Variants in MITF observed in about 807,000 individuals in gnomAD.
MITF encodes melanocyte inducing transcription factor.
Under a neutral mutation model 60.5 loss-of-function variants are expected in MITF, and 17 were observed. That is an observed-to-expected ratio of 0.28 (90% CI 0.19 to 0.42). The LOEUF is 0.42. MITF is among the 10% of genes least tolerant of loss of function. The pLI, the probability that MITF is intolerant of heterozygous loss-of-function variation, is 1.00. For synonymous variants in MITF, 260 were observed against 248.5 expected (o/e 1.05, Z -0.43); for missense variants, 622 against 683.5 (o/e 0.91, Z 1.00).
chr3:69,885,022 A>G (rs2064577801), intron 2 of MITF, among the ~76,000 whole-genome samples: 1 of 152,076 alleles, frequency 6.6e-6, no homozygotes, highest in Non-Finnish European at 1.5e-5. Flanking sequence ...TTCTCCCTTT[A>G]TGACCACAAG....
At position 69,968,270 on chromosome 3, in the gene MITF, TA is replaced by T. The variant is rs2066739972; in HGVS notation, c.*3024del. 1 of 231,558 alleles carries T rather than the reference TA, an allele frequency of 4.3e-6. No homozygotes were observed. Among genetic ancestry groups the T allele is most frequent in the South Asian group, 1.8e-4 (1 of 5,516 alleles). The allele number at this position is 231,558 out of a possible 1,614,324, so 14.3% of individuals were successfully genotyped here. ...AGCACTGTATATTATGGATCGATAT[TA>T]ATGTATCCAATGAAATAATCGACTT... On this transcript the variant is annotated 3_prime_UTR_variant, in exon 10 of 10. Coordinates refer to ENST00000352241, the MANE Select transcript of MITF (RefSeq NM_001354604.2).
rs1158787139 is a variant in MITF, at chr3:69,965,666, A to G, written c.*418A>G. On this transcript the variant is annotated 3_prime_UTR_variant, in exon 10 of 10. Coordinates refer to ENST00000352241, the MANE Select transcript of MITF (RefSeq NM_001354604.2). ...AGCAACCAAAAAGAAAAAAAAAAAG[A>G]AAGAAAGAGGAAAAGAAATCCATAC... The G allele has an allele frequency of 3.9e-6, 1 of 253,864 alleles. No individual in the cohort carries two copies. The highest frequency in any genetic ancestry group is 5.7e-5 in the East Asian group (1 of 17,688). 15.7% of individuals were successfully genotyped at this position (253,864 alleles called of 1,614,324 possible).
At chr3:69,828,995 G>A (rs2063402381) in intron 1 of MITF, among the ~76,000 whole-genome samples, 1 of 151,944 alleles carries the variant, frequency 6.6e-6, no homozygotes, top group Admixed American at 6.6e-5. Flanking sequence ...GCCACTCAAA[G>A]TGTGACCCAT....
chr3:69,942,216 G>A (rs890851275), intron 5 of MITF, among the ~76,000 whole-genome samples: 2 of 152,038 alleles, frequency 1.3e-5, no homozygotes, highest in Non-Finnish European at 2.9e-5. Context: ...ATGGAGCTTC[G>A]GATTTGCAAG....
At chr3:69,794,899 A>G (rs1012380862) in intron 1 of MITF, among the ~76,000 whole-genome samples, 5 of 152,234 alleles carry the variant, frequency 3.3e-5, no homozygotes, top group Non-Finnish European at 5.9e-5. Flanking sequence ...GTCTAACAGT[A>G]TAGCTGAAGT....
intron 1 of MITF, among the ~76,000 whole-genome samples, chr3:69,764,652 G>A (rs1339838147): frequency 6.6e-6 from 1 of 152,036 alleles, no homozygotes; most frequent in East Asian, 1.9e-4. Context: ...TTCTACCCTG[G>A]GTGAAGGGTT....
intron 1 of MITF, among the ~76,000 whole-genome samples, chr3:69,765,930 T>A (rs1264973198): frequency 1.3e-5 from 2 of 152,234 alleles, no homozygotes; most frequent in East Asian, 3.8e-4. Flanking sequence ...ATTGTGGAGC[T>A]TTTGGTTAAA....
chr3:69,893,095 A>G (rs2064795242), intron 2 of MITF, among the ~76,000 whole-genome samples: 2 of 152,178 alleles, frequency 1.3e-5, no homozygotes, highest in South Asian at 4.1e-4. Context: ...ATATATAGCC[A>G]TGAAGTGCAC....
rs568357009 is a variant in MITF at position 69,884,894 on chromosome 3, C to T, written c.354+5511C>T. ...GACCGATGAGACCAACTATCTGAAA[C>T]AAAATATTCAGCCTTTACACAACTA... On this transcript the variant is annotated intron_variant, in intron 2 of 9. Transcript: ENST00000352241. Among the ~76,000 whole-genome samples the T allele has an allele frequency of 3.9e-5, 6 of 152,188 alleles. No individual in the cohort carries two copies. The South Asian group carries it at 1.2e-3, about 32-fold the overall frequency.
At chr3:69,940,687 C>T (rs1051123884) in intron 4 of MITF, among the ~76,000 whole-genome samples, 32 of 152,180 alleles carry the variant, frequency 2.1e-4, no homozygotes, top group Admixed American at 8.5e-4. Flanking sequence ...ACACTACAGA[C>T]GGTGTTTTCC....
At position 69,792,998 on chromosome 3, in the gene MITF, C is replaced by CTTTTTTTTTTTTT. The variant is rs58440406; in HGVS notation, c.104+53318_104+53330dup. Among the ~76,000 whole-genome samples the CTTTTTTTTTTTTT allele has an allele frequency of 6.4e-5, 2 of 31,094 alleles. 1 individual carries two copies. The highest frequency in any genetic ancestry group is 2.6e-3 in the East Asian group (2 of 758). The allele number at this position is 31,094 out of a possible 152,430, so 20.4% of individuals were successfully genotyped here. On this transcript the variant is annotated intron_variant, in intron 1 of 9. Coordinates refer to ENST00000352241, the MANE Select transcript of MITF (RefSeq NM_001354604.2). ...TTGTTTTATGGGCTAAAGTCTTTAG[C>CTTTTTTTTTTTTT]TTTTTTTTTTTTTTTTTTTTTTTTT...
At chr3:69,872,996 C>G (rs996286375) in intron 1 of MITF, among the ~76,000 whole-genome samples, 1 of 152,018 alleles carries the variant, frequency 6.6e-6, no homozygotes, top group Non-Finnish European at 1.5e-5. Context: ...GTTTTGTAAG[C>G]CTTTGTATTT....
intron 1 of MITF, among the ~76,000 whole-genome samples, chr3:69,794,818 G>C (rs1575724578): frequency 6.6e-6 from 1 of 152,160 alleles, no homozygotes; most frequent in African/African-American, 2.4e-5. Flanking sequence ...CTCTGACTTA[G>C]TTTTGTCTAT....
chr3:69,893,307 A>G (rs535996918), intron 2 of MITF, among the ~76,000 whole-genome samples: 2 of 151,984 alleles, frequency 1.3e-5, no homozygotes, highest in South Asian at 4.2e-4. Context: ...AATTCATTCA[A>G]AGAACTCCTG....
At chr3:69,961,237 G>T (rs564946600) in intron 9 of MITF, among the ~76,000 whole-genome samples, 1 of 151,484 alleles carries the variant, frequency 6.6e-6, no homozygotes, top group Non-Finnish European at 1.5e-5. Flanking sequence ...AGAAAAATTA[G>T]CTGGGCATGG....
chr3:69,815,757 C>G (rs2063172192), intron 1 of MITF, among the ~76,000 whole-genome samples: 1 of 152,102 alleles, frequency 6.6e-6, no homozygotes, highest in Non-Finnish European at 1.5e-5. Context: ...CAAGGGTCAA[C>G]TGTATTTTAT....
chr3:69,843,047 G>A (rs946948399), intron 1 of MITF, among the ~76,000 whole-genome samples: 1 of 152,086 alleles, frequency 6.6e-6, no homozygotes, highest in African/African-American at 2.4e-5. Context: ...TAAAGCAAAT[G>A]GCCTTGAACT....
intron 1 of MITF, among the ~76,000 whole-genome samples, chr3:69,835,367 C>G (rs1344415715): frequency 2.0e-5 from 3 of 152,104 alleles, no homozygotes; most frequent in Admixed American, 6.6e-5. Context: ...CTTAGCTATT[C>G]TGGATATTAA....
rs755901867 is a variant in MITF, at chr3:69,951,861, G to A, written c.930G>A (p.Arg310=). The A allele has an allele frequency of 1.2e-6, 2 of 1,613,138 alleles. No homozygotes were observed. Among genetic ancestry groups the A allele is most frequent in the African/African-American group, 1.3e-5 (1 of 74,870 alleles). ...AAGCAAGAGCACTGGCCAAAGAGAG[G>A]CAGAAAAAGGACAATCACAACCTGA... The part of the protein sequence containing the change: ...ESEARALAKE[R]QKKDNHNLIE... The change falls in exon 7 of 10, where the codon AGG becomes AGA. Residue 310 remains arginine, a synonymous_variant. Transcript: ENST00000352241.
Sources: allele counts gnomAD v4.1 joint callset (sites outside exome capture counted in the v4.1 genomes callset), GRCh38; gene constraint gnomAD v4.1.1; transcripts MANE v1.5; gene names NCBI Gene and HGNC (gene_info 2026-07-23, HGNC 2026-07-21).